The following RERG variants were observed in gnomAD, a reference collection of about 807,000 sequenced individuals.
RERG encodes RAS like estrogen regulated growth inhibitor, also known as ras-related and estrogen-regulated growth inhibitor.
RERG carries 25 observed loss-of-function variants against 23.2 expected under a neutral mutation model. The ratio of observed to expected loss-of-function variants is 1.08; its 90% CI spans 0.79 to 1.50. The LOEUF is 1.50. RERG is among the 40% of genes most tolerant of loss of function. RERG has a pLI of 0.00. For missense variants in RERG, 253 were observed against 250.1 expected, an observed-to-expected ratio of 1.01 and a Z score of -0.08; for synonymous variants, 81 against 89.1, an observed-to-expected ratio of 0.91 and a Z score of 0.51.
intron 2 of RERG, among the ~76,000 whole-genome samples, chr12:15,163,975 G>T (rs1312506423): frequency 6.6e-6 from 1 of 152,132 alleles, no homozygotes; most frequent in Non-Finnish European, 1.5e-5. Flanking sequence ...TTTCCATATT[G>T]CAGTCTTCTG....
chr12:15,216,834 T>A (rs898845239), intron 2 of RERG, among the ~76,000 whole-genome samples: 3 of 152,222 alleles, frequency 2.0e-5, no homozygotes, highest in African/African-American at 7.2e-5. Flanking sequence ...GTGAACAAAG[T>A]CTCTGAATTA....
chr12:15,213,255 T>C (rs1865393534), intron 2 of RERG, among the ~76,000 whole-genome samples: 1 of 152,238 alleles, frequency 6.6e-6, no homozygotes, highest in East Asian at 1.9e-4. Flanking sequence ...CAAATCTGAA[T>C]AATACGACTA....
At chr12:15,137,379 C>G (rs1864161456) in intron 2 of RERG, among the ~76,000 whole-genome samples, 1 of 151,680 alleles carries the variant, frequency 6.6e-6, no homozygotes, top group South Asian at 2.1e-4. Context: ...AAAATGATTA[C>G]TGATATATGA....
intron 3 of RERG, among the ~76,000 whole-genome samples, chr12:15,119,456 T>A (rs192542243): frequency 6.9e-4 from 105 of 152,304 alleles, no homozygotes; most frequent in African/African-American, 2.4e-3. Context: ...CAATAAAAAA[T>A]TTGTATTTTT....
chr12:15,153,669 T>C (rs1313048558), intron 2 of RERG, among the ~76,000 whole-genome samples: 1 of 152,146 alleles, frequency 6.6e-6, no homozygotes, highest in Non-Finnish European at 1.5e-5. Context: ...GCACCCAGAA[T>C]AAATGCATTG....
At chr12:15,119,219 A>T (rs7976620) in intron 3 of RERG, among the ~76,000 whole-genome samples, 1 of 152,128 alleles carries the variant, frequency 6.6e-6, no homozygotes, top group East Asian at 1.9e-4. Context: ...TCACTCAATA[A>T]AGTTTCATTA....
chr12:15,148,887 T>TTTTTTTG lies in RERG; in HGVS notation c.62-27769_62-27768insCAAAAAA, dbSNP rs1156302513. Among the ~76,000 whole-genome samples, 62 of 69,498 alleles carry TTTTTTTG rather than the reference T, an allele frequency of 8.9e-4. 21 individuals carry two copies. Among genetic ancestry groups the TTTTTTTG allele is most frequent in the Non-Finnish European group, 1.4e-3 (45 of 32,656 alleles). 45.6% of individuals were successfully genotyped at this position (69,498 alleles called of 152,430 possible). A position where few individuals can be genotyped will look rare whatever the true frequency, so the allele number is the denominator to read the frequency against. On this transcript the variant is annotated intron_variant, in intron 2 of 4. Coordinates refer to ENST00000256953, the MANE Select transcript of RERG (RefSeq NM_032918.3). Reference sequence around the variant, plus strand: ...TTTTTTTTTTTTTTTTTTTTTTTTTTAGACAGAGTCTAGCTCTGTCACCCA... The same window carrying TTTTTTTG: ...TTTTTTTTTTTTTTTTTTTTTTTTTTTTTTTTGAGACAGAGTCTAGCTCTGTCACCCA...
intron 2 of RERG, among the ~76,000 whole-genome samples, chr12:15,128,920 T>C (rs768715224): frequency 1.3e-5 from 2 of 152,196 alleles, no homozygotes; most frequent in African/African-American, 4.8e-5. Context: ...TAGTTCTTCA[T>C]ACCTTGTTCC....
At chr12:15,184,221 C>A (rs891739049) in intron 2 of RERG, among the ~76,000 whole-genome samples, 6 of 152,134 alleles carry the variant, frequency 3.9e-5, no homozygotes, top group African/African-American at 1.4e-4. Context: ...ATGTTAATCT[C>A]ATTCTTCCAA....
At position 15,144,515 on chromosome 12, in the gene RERG, T is replaced by A. The variant is rs1178586824; in HGVS notation, c.62-23396A>T. On this transcript the variant is annotated intron_variant, in intron 2 of 4. Coordinates refer to ENST00000256953, the MANE Select transcript of RERG (RefSeq NM_032918.3). ...GAGGAAAACCAGGAAAGTTTAGAAT[T>A]CTGGAAACTGTGCAAAGAAGGTTTT... Among the ~76,000 whole-genome samples, 5 of 152,162 alleles carry A rather than the reference T, an allele frequency of 3.3e-5. No homozygotes were observed. In the East Asian group the frequency reaches 9.6e-4, roughly 29 times the overall value.
At chr12:15,179,204 A>C (rs1378150344) in intron 2 of RERG, among the ~76,000 whole-genome samples, 1 of 152,204 alleles carries the variant, frequency 6.6e-6, no homozygotes, top group Non-Finnish European at 1.5e-5. Flanking sequence ...TCTGAGGATG[A>C]AACTAAATCT....
At chr12:15,188,403 C>T (rs922968622) in intron 2 of RERG, among the ~76,000 whole-genome samples, 1 of 152,110 alleles carries the variant, frequency 6.6e-6, no homozygotes, top group Non-Finnish European at 1.5e-5. Context: ...GTTACACAAA[C>T]ACACAAAGCT....
intron 3 of RERG, among the ~76,000 whole-genome samples, chr12:15,115,281 C>A (rs1014714051): frequency 1.8e-4 from 27 of 152,160 alleles, no homozygotes; most frequent in African/African-American, 6.3e-4. Context: ...TTGCTATTAG[C>A]TCCATTTTAC....
At chr12:15,207,001 C>G (rs1168910359) in intron 2 of RERG, among the ~76,000 whole-genome samples, 3 of 152,024 alleles carry the variant, frequency 2.0e-5, no homozygotes, top group African/African-American at 7.2e-5. Flanking sequence ...TGGCAAATCT[C>G]CTAAACAGAA....
chr12:15,166,776 CT>C (rs759874317), intron 2 of RERG, among the ~76,000 whole-genome samples: 2,793 of 142,586 alleles, frequency 0.02, 70 homozygotes, highest in African/African-American at 0.059. Context: ...GACTAGATCA[CT>C]TTTTTTTTTT....
intron 2 of RERG, among the ~76,000 whole-genome samples, chr12:15,159,319 G>A (rs1352421431): frequency 3.9e-5 from 6 of 152,100 alleles, no homozygotes; most frequent in Non-Finnish European, 2.9e-5. Flanking sequence ...CACAATAGTA[G>A]TTCATGCTTT....
chr12:15,109,927 C>A (rs1863574158), intron 4 of RERG, among the ~76,000 whole-genome samples: 1 of 152,108 alleles, frequency 6.6e-6, no homozygotes, highest in African/African-American at 2.4e-5. Flanking sequence ...GAATTAGAGT[C>A]AAAATTTAGC....
intron 2 of RERG, among the ~76,000 whole-genome samples, chr12:15,165,666 T>C (rs932370195): frequency 6.6e-6 from 1 of 152,172 alleles, no homozygotes; most frequent in African/African-American, 2.4e-5. Context: ...AGAATGAAGT[T>C]TTAAAATGGG....
Position 15,109,490 on chromosome 12 carries a change from T to C in RERG, c.220A>G (p.Met74Val). 1 of 1,609,920 alleles carries C rather than the reference T, an allele frequency of 6.2e-7. No homozygotes were observed. The highest frequency in any genetic ancestry group is 8.5e-7 in the Non-Finnish European group (1 of 1,177,584). The change falls in exon 5 of 5, where the codon ATG becomes GTG. Residue 74 changes from methionine to valine, a missense_variant. Transcript: ENST00000256953. The stretch of plus-strand genomic sequence containing the variant: ...AGCACAAAGCCTTCCCCCCATCGCA[T>C]GTGCCCCTCCCTCTGAATGGTATCT... Reference protein sequence around the residue: ...QEDTIQREGHMRWGEGFVLVY... With the variant: ...QEDTIQREGHVRWGEGFVLVY...
Sources: gnomAD v4.1 joint callset for allele counts (sites outside exome capture counted in the v4.1 genomes callset) on GRCh38, gnomAD v4.1.1 for gene constraint, MANE v1.5 for transcripts, NCBI Gene and HGNC (gene_info 2026-07-23, HGNC 2026-07-21) for gene names.